TADA1: variants seen among roughly 807,000 people sequenced by gnomAD.
TADA1 encodes transcriptional adaptor 1.
A neutral mutation model predicts 39.3 loss-of-function variants in TADA1; 23 were observed. The ratio of observed to expected loss-of-function variants is 0.58; its 90% CI spans 0.42 to 0.83. TADA1 has a LOEUF of 0.83. Among genes scored for constraint, TADA1 ranks in the 40% least tolerant of loss-of-function variants. The probability of loss-of-function intolerance (pLI) is 0.00; values close to 1 mark genes in which losing one functional copy is unlikely to be tolerated. For synonymous variants in TADA1, 137 were observed against 151.8 expected, an observed-to-expected ratio of 0.90 and a Z score of 0.72; for missense variants, 352 against 408.1, an observed-to-expected ratio of 0.86 and a Z score of 1.18.
At position 166,857,536 on chromosome 1, in the gene TADA1, C is replaced by T. The variant is rs6675153; in HGVS notation, c.*31G>A. 0.41 allele frequency: 653,703 copies of T among 1,605,786 alleles called. 137,011 individuals are homozygous for T. Among genetic ancestry groups the T allele is most frequent in the African/African-American group, 0.63 (47,183 of 74,504 alleles). ...TTCAATTTTCAGTAATCAATGAATTCGGTGAGGGTCCCACACCCTCAAATC... is the reference window on the plus strand; with the variant it reads ...TTCAATTTTCAGTAATCAATGAATTTGGTGAGGGTCCCACACCCTCAAATC... On this transcript the variant is annotated 3_prime_UTR_variant, in exon 8 of 8. Coordinates refer to ENST00000367874, the MANE Select transcript of TADA1 (RefSeq NM_053053.4).
chr1:166,875,470 T>C (rs979870089), intron 1 of TADA1, among the ~76,000 whole-genome samples: 1 of 152,188 alleles, frequency 6.6e-6, no homozygotes, highest in African/African-American at 2.4e-5. Flanking sequence ...ACAGTGACTT[T>C]TGAAGAGTTA....
intron 7 of TADA1, among the ~76,000 whole-genome samples, 186 bp from the exon 8 acceptor site, chr1:166,857,905 AG>A (rs1258074402): frequency 6.6e-6 from 1 of 152,252 alleles, no homozygotes; most frequent in East Asian, 1.9e-4. Flanking sequence ...TAGCAGAACA[AG>A]GGATTTTTTT....
In TADA1 at chr1:166,863,848, A is replaced by C; in HGVS notation, c.306T>G (p.Leu102=). The change falls in exon 4 of 8, where the codon CTT becomes CTG. Residue 102 remains leucine, a synonymous_variant. Coordinates refer to ENST00000367874, the MANE Select transcript of TADA1 (RefSeq NM_053053.4). ...KPGKPKGKKK[L]SSVRQKFDHR... ...CATCAAATTTCTGACGAACAGAAGA[A>C]AGCTTTTTCTTTCCCTTGGGTTTTC... 6.2e-7 allele frequency: 1 copy of C among 1,612,248 alleles called. No individual in the cohort carries two copies. Among genetic ancestry groups the C allele is most frequent in the South Asian group, 1.1e-5 (1 of 90,502 alleles).
chr1:166,866,416 A>ATGC (rs1459392402), intron 3 of TADA1, among the ~76,000 whole-genome samples: 1 of 152,248 alleles, frequency 6.6e-6, no homozygotes, highest in African/African-American at 2.4e-5. Context: ...AGTGTCTAGT[A>ATGC]TGCTATACTC....
At chr1:166,858,022 C>T (rs1171593463) in intron 7 of TADA1, 97 bp downstream of exon 7, 26 of 1,456,302 alleles carry the variant, frequency 1.8e-5, no homozygotes, top group Non-Finnish European at 2.4e-5. Flanking sequence ...AAACACAAAG[C>T]CAAGAAGTGG....
At chr1:166,875,041 A>C (rs1658733906) in intron 1 of TADA1, among the ~76,000 whole-genome samples, 1 of 152,234 alleles carries the variant, frequency 6.6e-6, no homozygotes, top group Non-Finnish European at 1.5e-5. Flanking sequence ...ATGAAAAGAA[A>C]GTATTGGAGA....
At chr1:166,870,355 T>C (rs1475382174) in intron 1 of TADA1, among the ~76,000 whole-genome samples, 1 of 152,192 alleles carries the variant, frequency 6.6e-6, no homozygotes, top group East Asian at 1.9e-4. Context: ...AAGAAGGCTG[T>C]CATCTATAGG....
intron 3 of TADA1, among the ~76,000 whole-genome samples, chr1:166,866,801 G>A (rs900162488): frequency 2.6e-5 from 4 of 151,420 alleles, no homozygotes; most frequent in Non-Finnish European, 5.9e-5. Context: ...CTGGAGTGCA[G>A]TGGCGCAATC....
chr1:166,867,181 A>C (rs1226906935), intron 3 of TADA1, among the ~76,000 whole-genome samples: 2 of 152,188 alleles, frequency 1.3e-5, no homozygotes, highest in Non-Finnish European at 2.9e-5. Flanking sequence ...CTAGTGGCAA[A>C]ACCTACACTT....
At chr1:166,862,455 C>T (rs757181693) in intron 4 of TADA1, 43 bp from the exon 5 acceptor site, 12 of 1,499,220 alleles carry the variant, frequency 8.0e-6, no homozygotes, top group Non-Finnish European at 1.0e-5. Flanking sequence ...ATTACAGTAG[C>T]AAACAAGACA....
At chr1:166,860,082 A>T in intron 6 of TADA1, 104 bp downstream of exon 6, 1 of 902,690 alleles carries the variant, frequency 1.1e-6, no homozygotes, top group Non-Finnish European at 1.6e-6. Context: ...TATTAAAGGT[A>T]CTTAAACCTA....
intron 1 of TADA1, among the ~76,000 whole-genome samples, chr1:166,875,363 C>T (rs1355277618): frequency 1.3e-5 from 2 of 152,178 alleles, no homozygotes; most frequent in African/African-American, 4.8e-5. Flanking sequence ...AGGTCCCCTG[C>T]CATAACCTGG....
Position 166,857,646 on chromosome 1 carries a change from T to A in TADA1, c.929A>T (p.His310Leu), listed in dbSNP as rs1336788966. Residue 310 changes from histidine to leucine, a missense_variant, in exon 8 of 8, where the codon CAT becomes CTT. His to Leu is a moderately conservative substitution (Grantham distance 99). Transcript: ENST00000367874. ...TTGCTGCAGCTCTTCATGATTTGGA[T>A]GCCAGAGTTTCGTGATGATCCTTTC... Reference protein sequence around the residue: ...NIERIITKLWHPNHEELQQDK... With the variant: ...NIERIITKLWLPNHEELQQDK... The A allele has an allele frequency of 6.2e-7, 1 of 1,614,114 alleles. No homozygotes were observed. The highest frequency in any genetic ancestry group is 1.7e-5 in the Admixed American group (1 of 60,012).
intron 3 of TADA1, among the ~76,000 whole-genome samples, chr1:166,865,466 G>A (rs1298565686): frequency 6.8e-6 from 1 of 148,128 alleles, no homozygotes; most frequent in Non-Finnish European, 1.5e-5. Flanking sequence ...AACATATATT[G>A]TTTAATGTTA....
chr1:166,866,335 T>C (rs1658535150), intron 3 of TADA1, among the ~76,000 whole-genome samples: 1 of 152,198 alleles, frequency 6.6e-6, no homozygotes, highest in Admixed American at 6.5e-5. Context: ...TAATTTTGTT[T>C]CCTTATCTAT....
At position 166,857,033 on chromosome 1, in the gene TADA1, T is replaced by C. The variant is rs1423268388; in HGVS notation, c.*534A>G. 6.6e-6 allele frequency: 1 copy of C among 152,560 alleles called. No homozygotes were observed. The highest frequency in any genetic ancestry group is 1.5e-5 in the Non-Finnish European group (1 of 68,328). The allele number at this position is 152,560 out of a possible 1,614,324, so 9.5% of individuals were successfully genotyped here. The stretch of plus-strand genomic sequence containing the variant: ...TTTCCTGTGGAGTTATAGTGATAAA[T>C]TTCTCAGGGGCTACCTATCGCTATT... On this transcript the variant is annotated 3_prime_UTR_variant, in exon 8 of 8. Coordinates refer to ENST00000367874, the MANE Select transcript of TADA1 (RefSeq NM_053053.4).
Position 166,856,591 on chromosome 1 carries a change from A to T in TADA1, c.*976T>A, listed in dbSNP as rs1658283295. 1 of 152,626 alleles carries T rather than the reference A, an allele frequency of 6.6e-6. No individual in the cohort carries two copies. 9.5% of individuals were successfully genotyped at this position (152,626 alleles called of 1,614,324 possible). A position where few individuals can be genotyped will look rare whatever the true frequency, so the allele number is the denominator to read the frequency against. The stretch of plus-strand genomic sequence containing the variant: ...CCAGATATGTGAACCATATATACAT[A>T]TCTATACAACCATTATTTAGACTTT... On this transcript the variant is annotated 3_prime_UTR_variant, in exon 8 of 8. Transcript: ENST00000367874.
At chr1:166,876,036 C>T (rs1279149695) in intron 1 of TADA1, 124 bp downstream of exon 1, 1 of 927,060 alleles carries the variant, frequency 1.1e-6, no homozygotes. Context: ...CGAAGCCCCG[C>T]CGCCGCGGAC....
At chr1:166,872,309 A>G (rs1658676667) in intron 1 of TADA1, among the ~76,000 whole-genome samples, 1 of 152,174 alleles carries the variant, frequency 6.6e-6, no homozygotes, top group Non-Finnish European at 1.5e-5. Flanking sequence ...AGTTCCTGCA[A>G]GAGATTCTCC....
Sources: allele counts gnomAD v4.1 joint callset (sites outside exome capture counted in the v4.1 genomes callset), GRCh38; gene constraint gnomAD v4.1.1; transcripts MANE v1.5; gene names NCBI Gene and HGNC (gene_info 2026-07-23, HGNC 2026-07-21).